The following SAMMSON variants were observed in gnomAD, a reference collection of about 807,000 sequenced individuals.
The protein encoded by SAMMSON is long intergenic non-protein coding RNA 1212.
intron 4 of SAMMSON, among the ~76,000 whole-genome samples, chr3:70,207,092 A>C (rs1306639347): frequency 6.6e-6 from 1 of 151,342 alleles, no homozygotes; most frequent in Non-Finnish European, 1.5e-5. Flanking sequence ...CACTTGGATC[A>C]ACAAAATCTC....
intron 3 of SAMMSON, among the ~76,000 whole-genome samples, chr3:70,067,547 A>C (rs2067214681): frequency 6.6e-6 from 1 of 152,106 alleles, no homozygotes; most frequent in African/African-American, 2.4e-5. Flanking sequence ...TAAAACCCAA[A>C]TACATTCACT....
At chr3:70,380,061 G>C (rs1028355063) in intron 9 of SAMMSON, among the ~76,000 whole-genome samples, 3 of 151,858 alleles carry the variant, frequency 2.0e-5, no homozygotes, top group African/African-American at 7.3e-5. Flanking sequence ...GCCCTAAAAA[G>C]TTAAATGAAA....
chr3:70,129,940 G>T lies in SAMMSON; in HGVS notation n.507+58375G>T, dbSNP rs144942338. On this transcript the variant is annotated intron_variant and non_coding_transcript_variant, in intron 4 of 9. Transcript: ENST00000642114. Reference sequence around the variant, plus strand: ...GATATACTTTATACATAGTGAAATGGTTACTATACTCGAGCAAATTAACAC... The same window carrying T: ...GATATACTTTATACATAGTGAAATGTTTACTATACTCGAGCAAATTAACAC... 1.3e-3 allele frequency among the ~76,000 whole-genome samples: 204 copies of T among 152,210 alleles called. 3 individuals carry two copies. In the East Asian group the frequency reaches 0.033, roughly 25 times the overall value.
At chr3:70,012,715 C>T (rs1410632823) in intron 2 of SAMMSON, 1 of 152,134 alleles carries the variant, frequency 6.6e-6, no homozygotes, top group East Asian at 1.9e-4. Flanking sequence ...GGGTCTTTGA[C>T]ATGACCCAGT....
At chr3:70,353,907 A>G (rs763803219) in intron 7 of SAMMSON, among the ~76,000 whole-genome samples, 4 of 152,182 alleles carry the variant, frequency 2.6e-5, no homozygotes, top group Non-Finnish European at 4.4e-5. Context: ...AACAATCTTA[A>G]TCAATTTCCA....
chr3:70,226,794 A>AT (rs1165015819), intron 4 of SAMMSON, among the ~76,000 whole-genome samples: 5 of 151,986 alleles, frequency 3.3e-5, no homozygotes, highest in African/African-American at 1.2e-4. Context: ...AAAACAAGAT[A>AT]TTCTGAAGAG....
At chr3:70,157,109 A>T (rs2067595257) in intron 4 of SAMMSON, among the ~76,000 whole-genome samples, 1 of 152,154 alleles carries the variant, frequency 6.6e-6, no homozygotes, top group Admixed American at 6.6e-5. Flanking sequence ...ATGTTAACAA[A>T]TATACTTTAC....
chr3:70,057,745 C>G (rs1197579740), intron 3 of SAMMSON, among the ~76,000 whole-genome samples: 1 of 151,870 alleles, frequency 6.6e-6, no homozygotes, highest in African/African-American at 2.4e-5. Flanking sequence ...AACACTCATT[C>G]ATATACAGGT....
upstream of SAMMSON, chr3:69,999,609 C>G (rs1446356706): frequency 4.6e-5 from 7 of 152,204 alleles, no homozygotes; most frequent in East Asian, 5.8e-4. Flanking sequence ...GGCTCTACCC[C>G]CATGGATCTA....
chr3:70,324,518 G>T (rs566264422), intron 7 of SAMMSON, among the ~76,000 whole-genome samples: 1 of 152,242 alleles, frequency 6.6e-6, no homozygotes, highest in South Asian at 2.1e-4. Flanking sequence ...TATTCACATA[G>T]TAAAGGCTTT....
chr3:70,162,788 GGTTT>G (rs146401854), intron 4 of SAMMSON, among the ~76,000 whole-genome samples: 4,546 of 151,700 alleles, frequency 0.03, 147 homozygotes, highest in East Asian at 0.18. Flanking sequence ...TTTCTGTCAG[GGTTT>G]GTTTAATGTA....
chr3:70,054,507 C>T (rs1010103177), intron 3 of SAMMSON, among the ~76,000 whole-genome samples: 7 of 152,084 alleles, frequency 4.6e-5, no homozygotes, highest in African/African-American at 1.4e-4. Context: ...TTGGTTTGAC[C>T]TTCAAATCTG....
intron 6 of SAMMSON, among the ~76,000 whole-genome samples, chr3:70,259,811 T>G (rs1252434536): frequency 6.6e-6 from 1 of 152,158 alleles, no homozygotes; most frequent in Non-Finnish European, 1.5e-5. Context: ...GGAAAGAGGT[T>G]TGATTGACTC....
chr3:70,055,616 G>A (rs867768068), intron 3 of SAMMSON, among the ~76,000 whole-genome samples: 11 of 151,990 alleles, frequency 7.2e-5, no homozygotes, highest in African/African-American at 2.2e-4. Context: ...CAAATTTATC[G>A]ACATGCATTT....
At chr3:70,019,089 C>T (rs1433362069) in intron 3 of SAMMSON, among the ~76,000 whole-genome samples, 1 of 152,084 alleles carries the variant, frequency 6.6e-6, no homozygotes, top group Non-Finnish European at 1.5e-5. Context: ...CTGTAGATGT[C>T]TATTAGGTCT....
intron 3 of SAMMSON, among the ~76,000 whole-genome samples, chr3:70,023,636 A>G (rs766672083): frequency 2.6e-5 from 4 of 151,960 alleles, no homozygotes; most frequent in Non-Finnish European, 5.9e-5. Context: ...CTCTGCTGTA[A>G]CTTCTCCTCC....
At chr3:70,302,029 CAAG>C (rs766356720) in intron 7 of SAMMSON, among the ~76,000 whole-genome samples, 9 of 152,072 alleles carry the variant, frequency 5.9e-5, no homozygotes, top group East Asian at 5.8e-4. Context: ...AAATTTAGCT[CAAG>C]AAGAAGAATT....
chr3:70,265,913 A>G (rs1313025796), intron 6 of SAMMSON, among the ~76,000 whole-genome samples: 1 of 152,138 alleles, frequency 6.6e-6, no homozygotes, highest in African/African-American at 2.4e-5. Flanking sequence ...GCATGGGGGA[A>G]GCCATATCCA....
chr3:70,309,944 G>A (rs953127556), intron 7 of SAMMSON, among the ~76,000 whole-genome samples: 5 of 152,054 alleles, frequency 3.3e-5, no homozygotes, highest in Non-Finnish European at 7.4e-5. Flanking sequence ...CAATTGATTG[G>A]CCTATCAATT....
Sources: gnomAD v4.1 joint callset for allele counts (sites outside exome capture counted in the v4.1 genomes callset) on GRCh38, gnomAD v4.1.1 for gene constraint, MANE v1.5 for transcripts, NCBI Gene and HGNC (gene_info 2026-07-23, HGNC 2026-07-21) for gene names.